The following TBX18 variants were observed in gnomAD, a reference collection of about 807,000 sequenced individuals.
TBX18 encodes the protein T-box transcription factor 18, also known as T-box transcription factor TBX18.
Under a neutral mutation model 55.0 loss-of-function variants are expected in TBX18, and 21 were observed. The observed-to-expected ratio is 0.38, with a 90% CI of 0.27 to 0.55. The LOEUF (loss-of-function observed/expected upper bound fraction) is 0.55. Among genes scored for constraint, TBX18 ranks in the 20% least tolerant of loss-of-function variants. The pLI, the probability that TBX18 is intolerant of heterozygous loss-of-function variation, is 0.73. For missense variants in TBX18, 840 were observed against 799.6 expected (o/e 1.05, Z -0.61); for synonymous variants, 342 against 326.1 (o/e 1.05, Z -0.53).
chr6:84,739,707 G>A (rs12191333), intron 6 of TBX18, among the ~76,000 whole-genome samples: 19 of 152,132 alleles, frequency 1.2e-4, no homozygotes, highest in South Asian at 2.1e-4. Flanking sequence ...GAGTCCCTGC[G>A]CCCCAAGTCA....
At chr6:84,757,302 C>A (rs1448126063) in intron 3 of TBX18, among the ~76,000 whole-genome samples, 2 of 152,178 alleles carry the variant, frequency 1.3e-5, no homozygotes, top group African/African-American at 4.8e-5. Context: ...CCTTCAAGAT[C>A]ATTTCTGATG....
chr6:84,738,438 G>A (rs11760089), intron 7 of TBX18, 59 bp downstream of exon 7: 24 of 1,277,666 alleles, frequency 1.9e-5, no homozygotes, highest in Non-Finnish European at 2.6e-5. Context: ...CACTTTTAGT[G>A]CCTGAGTTTC....
rs746303766 is a variant in TBX18, at chr6:84,737,422, T to A, written c.1100-13A>T. The A allele has an allele frequency of 2.7e-6, 4 of 1,505,708 alleles. No individual in the cohort carries two copies. The highest frequency in any genetic ancestry group is 2.3e-5 in the East Asian group (1 of 43,522). 93.3% of individuals were successfully genotyped at this position (1,505,708 alleles called of 1,614,324 possible). On this transcript the variant is annotated splice_polypyrimidine_tract_variant and intron_variant, in intron 7 of 7. Transcript: ENST00000369663. ...GAACTTGCATTGCCTACAAAAGAAG[T>A]TGAAATGTAAAGAATGACTCCACAG...
intron 6 of TBX18, chr6:84,742,253 T>C (rs746741461): frequency 6.6e-6 from 1 of 152,160 alleles, no homozygotes; most frequent in Non-Finnish European, 1.5e-5. Context: ...CCTCCAAAAT[T>C]TTTAAAGTTT....
rs1773833476 is a variant in TBX18 at position 84,732,609 on chromosome 6, C to T, written c.*4076G>A. 1 of 152,002 alleles carries T rather than the reference C, an allele frequency of 6.6e-6. No individual in the cohort carries two copies. The highest frequency in any genetic ancestry group is 6.6e-5 in the Admixed American group (1 of 15,260). The allele number at this position is 152,002 out of a possible 1,614,324, so 9.4% of individuals were successfully genotyped here. A position where few individuals can be genotyped will look rare whatever the true frequency, so the allele number is the denominator to read the frequency against. On this transcript the variant is annotated 3_prime_UTR_variant, in exon 8 of 8. Coordinates refer to ENST00000369663, the MANE Select transcript of TBX18 (RefSeq NM_001080508.3). ...TAATTTAATGCCATGCAATTAAGAG[C>T]ATCATGAAAAAGAAATTTTATTAAT... is the stretch of plus-strand genomic sequence containing the variant.
chr6:84,745,326 G>A (rs1767153760), intron 5 of TBX18, among the ~76,000 whole-genome samples: 1 of 152,006 alleles, frequency 6.6e-6, no homozygotes, highest in African/African-American at 2.4e-5. Flanking sequence ...TTGCCCAGAG[G>A]AATTTACAGC....
chr6:84,736,807 T>C lies in TBX18; in HGVS notation c.1702A>G (p.Met568Val), dbSNP rs1766877126. The change falls in exon 8 of 8, where the codon ATG (methionine) becomes GTG (valine). Residue 568 changes from methionine (M) to valine (V), a missense_variant. Coordinates refer to ENST00000369663, the MANE Select transcript of TBX18 (RefSeq NM_001080508.3). ...TGCACTCCTTCCACAGGGGGCAACA[T>C]CTGCCGATCCGTCATGGTCCCACTC... Reference protein sequence around the residue: ...SPSGTMTDRQMLPPVEGVHLL... With the variant: ...SPSGTMTDRQVLPPVEGVHLL... 1.9e-6 allele frequency: 3 copies of C among 1,614,160 alleles called. No individual in the cohort carries two copies. The highest frequency in any genetic ancestry group is 8.5e-7 in the Non-Finnish European group (1 of 1,180,030).
chr6:84,763,248 T>C (rs1026252650), intron 1 of TBX18: 1 of 374,226 alleles, frequency 2.7e-6, no homozygotes, highest in Admixed American at 3.4e-5. Flanking sequence ...CTTTGGGCCT[T>C]CTTTTGGGCC....
chr6:84,740,732 T>C (rs144257381), intron 6 of TBX18, among the ~76,000 whole-genome samples: 12 of 152,344 alleles, frequency 7.9e-5, no homozygotes, highest in Non-Finnish European at 1.6e-4. Context: ...AGACACAGCT[T>C]AATATAAAAC....
Position 84,736,605 on chromosome 6 carries a change from G to A in TBX18, c.*80C>T, listed in dbSNP as rs1319784218. On this transcript the variant is annotated 3_prime_UTR_variant, in exon 8 of 8. Transcript: ENST00000369663. The stretch of plus-strand genomic sequence containing the variant: ...ATGTACATTTTATAAACCACAGAGA[G>A]TTTCTTTCCACATAGCTTTTAAAAA... 7 of 1,430,784 alleles carry A rather than the reference G, an allele frequency of 4.9e-6. No homozygotes were observed. The highest frequency in any genetic ancestry group is 6.5e-6 in the Non-Finnish European group (7 of 1,079,562). 88.6% of individuals were successfully genotyped at this position (1,430,784 alleles called of 1,614,324 possible). A position where few individuals can be genotyped will look rare whatever the true frequency, so the allele number is the denominator to read the frequency against.
chr6:84,746,446 T>C (rs959511473), intron 5 of TBX18, among the ~76,000 whole-genome samples: 5 of 147,198 alleles, frequency 3.4e-5, no homozygotes, highest in Non-Finnish European at 6.0e-5. Flanking sequence ...TATTATATAA[T>C]ATTTCGTATA....
intron 2 of TBX18, 81 bp from the exon 3 acceptor site, chr6:84,760,437 T>C (rs984951950): frequency 2.4e-5 from 20 of 816,506 alleles, no homozygotes; most frequent in Non-Finnish European, 3.2e-5. Context: ...CAAAGAAACC[T>C]CTTGGATCTC....
At chr6:84,739,352 C>A (rs981239092) in intron 6 of TBX18, among the ~76,000 whole-genome samples, 6 of 152,148 alleles carry the variant, frequency 3.9e-5, no homozygotes, top group African/African-American at 1.4e-4. Flanking sequence ...GGACTACTTA[C>A]ATGACATACG....
chr6:84,761,626 G>A (rs1767649389), intron 2 of TBX18, among the ~76,000 whole-genome samples: 3 of 152,192 alleles, frequency 2.0e-5, no homozygotes, highest in Admixed American at 2.0e-4. Context: ...TGAAAGAGTT[G>A]TGTGTGCTTT....
chr6:84,755,314 A>G (rs1767459130), intron 4 of TBX18, among the ~76,000 whole-genome samples: 1 of 152,208 alleles, frequency 6.6e-6, no homozygotes, highest in Non-Finnish European at 1.5e-5. Context: ...TAGAGCATAC[A>G]TTCTTTAAAC....
intron 4 of TBX18, among the ~76,000 whole-genome samples, chr6:84,753,664 T>C (rs767707992): frequency 3.3e-5 from 5 of 152,214 alleles, no homozygotes; most frequent in Non-Finnish European, 5.9e-5. Flanking sequence ...ATAACAATAC[T>C]ACTGTCTTCT....
In TBX18 at chr6:84,737,285, C is replaced by T; in HGVS notation, c.1224G>A (p.Gln408=). The part of the protein sequence containing the change: ...PAFHLGPNTS[Q]LCSLAPADYS... ...AGTCAGCAGGGGCCAGACTACACAG[C>T]TGGCTGGTGTTGGGCCCCAGATGGA... The change falls in exon 8 of 8, where the codon CAG becomes CAA. Residue 408 remains glutamine, a synonymous_variant. Coordinates refer to ENST00000369663, the MANE Select transcript of TBX18 (RefSeq NM_001080508.3). 6.2e-7 allele frequency: 1 copy of T among 1,608,146 alleles called. No homozygotes were observed. The highest frequency in any genetic ancestry group is 8.5e-7 in the Non-Finnish European group (1 of 1,176,994).
chr6:84,759,183 A>C (rs888955060), intron 3 of TBX18, among the ~76,000 whole-genome samples: 1 of 152,142 alleles, frequency 6.6e-6, no homozygotes, highest in Non-Finnish European at 1.5e-5. Flanking sequence ...TGACTTATTT[A>C]ATTAAAATAA....
In TBX18 at chr6:84,750,674, T is replaced by C. The variant is rs138858596; in HGVS notation, c.772-2587A>G. ...TCGTCCTCCCACCACCACGTTCATG[T>C]GCATTCATTATAAATTCGTATTTTT... is the stretch of plus-strand genomic sequence containing the variant. On this transcript the variant is annotated intron_variant, in intron 4 of 7. Transcript: ENST00000369663. Among the ~76,000 whole-genome samples, 185 of 152,266 alleles carry C rather than the reference T, an allele frequency of 1.2e-3. 1 individual carries two copies. Among genetic ancestry groups the C allele is most frequent in the African/African-American group, 4.1e-3 (171 of 41,556 alleles).
Sources: gnomAD v4.1 joint callset for allele counts (sites outside exome capture counted in the v4.1 genomes callset) on GRCh38, gnomAD v4.1.1 for gene constraint, MANE v1.5 for transcripts, NCBI Gene and HGNC (gene_info 2026-07-23, HGNC 2026-07-21) for gene names.